RBFOX1: variants seen among roughly 807,000 people sequenced by gnomAD.
RBFOX1 encodes RNA binding fox-1 homolog 1, also known as RNA binding protein fox-1 homolog 1.
RBFOX1 carries 8 observed loss-of-function variants against 57.7 expected under a neutral mutation model. The observed-to-expected ratio is 0.14, with a 90% CI of 0.08 to 0.25. The LOEUF (loss-of-function observed/expected upper bound fraction) is 0.25. RBFOX1 is among the 10% of genes least tolerant of loss of function. The probability of loss-of-function intolerance (pLI) is 1.00; values close to 1 mark genes in which losing one functional copy is unlikely to be tolerated. For missense variants in RBFOX1, 611 were observed against 548.5 expected (o/e 1.11, Z -1.14); for synonymous variants, 326 against 222.4 (o/e 1.47, Z -4.15).
chr16:6,054,196 A>G (rs1386679521), intron 1 of RBFOX1, among the ~76,000 whole-genome samples: 3 of 152,192 alleles, frequency 2.0e-5, no homozygotes, highest in Non-Finnish European at 2.9e-5. Flanking sequence ...TTTGTTTCAT[A>G]TTTTATTTCA....
At position 7,085,615 on chromosome 16, in the gene RBFOX1, G is replaced by C. The variant is rs940900191; in HGVS notation, c.27+33517G>C. On this transcript the variant is annotated intron_variant, in intron 4 of 15. Coordinates refer to ENST00000550418, the MANE Select transcript of RBFOX1 (RefSeq NM_018723.4). The stretch of plus-strand genomic sequence containing the variant: ...TGCCTGCAAAATTTTAAAGAGTAGG[G>C]TGCTTAGTTATTTTTCCCTAAGTTT... Among the ~76,000 whole-genome samples the C allele has an allele frequency of 2.6e-5, 4 of 152,172 alleles. No homozygotes were observed. In the South Asian group the frequency reaches 6.2e-4, roughly 24 times the overall value.
chr16:6,645,225 C>T (rs2098524167), intron 2 of RBFOX1, among the ~76,000 whole-genome samples: 1 of 152,170 alleles, frequency 6.6e-6, no homozygotes, highest in Non-Finnish European at 1.5e-5. Context: ...AGAATTTTCT[C>T]ATTTCAAGAC....
intron 3 of RBFOX1, among the ~76,000 whole-genome samples, chr16:5,829,853 A>G (rs2151824188): frequency 6.6e-6 from 1 of 152,320 alleles, no homozygotes; most frequent in South Asian, 2.1e-4. Context: ...AGTCATTCAG[A>G]AGGGAAACAA....
chr16:6,604,387 A>G (rs1362906366), intron 2 of RBFOX1, among the ~76,000 whole-genome samples: 2 of 152,112 alleles, frequency 1.3e-5, no homozygotes, highest in African/African-American at 4.8e-5. Context: ...TTGTTGCCCA[A>G]GCAGGACTTA....
At chr16:5,911,167 C>T (rs1039683533) in intron 4 of RBFOX1, among the ~76,000 whole-genome samples, 3 of 152,180 alleles carry the variant, frequency 2.0e-5, no homozygotes, top group Non-Finnish European at 4.4e-5. Flanking sequence ...ATAGGTCCTA[C>T]CTGCAGACAA....
At chr16:6,588,965 A>G (rs1667880215) in intron 2 of RBFOX1, among the ~76,000 whole-genome samples, 1 of 152,202 alleles carries the variant, frequency 6.6e-6, no homozygotes, top group African/African-American at 2.4e-5. Context: ...GAAATAACCT[A>G]TGCATCTGTA....
chr16:5,572,573 C>T (rs1363635155), intron 2 of RBFOX1, among the ~76,000 whole-genome samples: 1 of 152,100 alleles, frequency 6.6e-6, no homozygotes, highest in Non-Finnish European at 1.5e-5. Flanking sequence ...CCAAATGGTC[C>T]CTGGTAGTCA....
chr16:6,928,105 G>C (rs1263143616), intron 3 of RBFOX1, among the ~76,000 whole-genome samples: 2 of 152,104 alleles, frequency 1.3e-5, no homozygotes, highest in African/African-American at 4.8e-5. Flanking sequence ...GTTCCCTTCA[G>C]TCCCTTCGGC....
At chr16:7,062,446 G>T (rs2054662160) in intron 4 of RBFOX1, among the ~76,000 whole-genome samples, 1 of 152,172 alleles carries the variant, frequency 6.6e-6, no homozygotes, top group Non-Finnish European at 1.5e-5. Context: ...TGAATCATGG[G>T]TACAGCAAGC....
chr16:7,518,276 A>G lies in RBFOX1; in HGVS notation c.157A>G (p.Thr53Ala). 6.2e-7 allele frequency: 1 copy of G among 1,614,112 alleles called. No homozygotes were observed. The highest frequency in any genetic ancestry group is 8.5e-7 in the Non-Finnish European group (1 of 1,180,014). Residue 53 changes from threonine to alanine, a missense_variant, in exon 5 of 16, where the codon ACA (threonine) becomes GCA (alanine). Thr to Ala is a moderately conservative substitution (Grantham distance 58). This residue lies in a region of RBFOX1 where 245 missense variants were observed against 159.1 expected (regional missense o/e 1.54). Coordinates refer to ENST00000550418, the MANE Select transcript of RBFOX1 (RefSeq NM_018723.4). The part of the protein sequence containing the change: ...APHPHPAPEY[T>A]GQTTVPEHTL... The stretch of plus-strand genomic sequence containing the variant: ...TCATCCCCACCCCGCGCCAGAGTAC[A>G]CAGGCCAGACCACGGTTCCCGAGCA...
In RBFOX1 at chr16:7,267,364, G is replaced by A. The variant is rs145556134; in HGVS notation, c.27+215266G>A. Among the ~76,000 whole-genome samples, 635 of 144,086 alleles carry A rather than the reference G, an allele frequency of 4.4e-3. 7 individuals are homozygous for A. The highest frequency in any genetic ancestry group is 0.015 in the African/African-American group (594 of 38,850). The allele number at this position is 144,086 out of a possible 152,430, so 94.5% of individuals were successfully genotyped here. ...AGCCTGGGCAACATGGCAAAACCCC[G>A]TCTCTACTAAAAATATAAAAAATTA... On this transcript the variant is annotated intron_variant, in intron 4 of 15. Coordinates refer to ENST00000550418, the MANE Select transcript of RBFOX1 (RefSeq NM_018723.4).
intron 2 of RBFOX1, among the ~76,000 whole-genome samples, chr16:5,537,414 A>T (rs1298150253): frequency 2.0e-5 from 3 of 152,208 alleles, no homozygotes; most frequent in African/African-American, 7.2e-5. Flanking sequence ...TTATGCCAAC[A>T]AAAAATTTAT....
At chr16:7,593,610 T>C (rs1310462756) in intron 7 of RBFOX1, among the ~76,000 whole-genome samples, 1 of 152,182 alleles carries the variant, frequency 6.6e-6, no homozygotes, top group African/African-American at 2.4e-5. Flanking sequence ...TTTTTCTCGA[T>C]ACAGTTCACC....
chr16:7,278,363 A>T (rs548068879), intron 4 of RBFOX1, among the ~76,000 whole-genome samples: 32 of 152,312 alleles, frequency 2.1e-4, no homozygotes, highest in African/African-American at 7.7e-4. Context: ...TTTACCCAAG[A>T]TCAAAATATC....
chr16:6,678,234 C>G (rs962886073), intron 3 of RBFOX1, among the ~76,000 whole-genome samples: 11 of 152,146 alleles, frequency 7.2e-5, no homozygotes, highest in African/African-American at 2.7e-4. Flanking sequence ...AAGCATTTAT[C>G]CAACTTCATC....
intron 2 of RBFOX1, among the ~76,000 whole-genome samples, chr16:6,327,021 C>A (rs766190486): frequency 9.2e-5 from 14 of 152,264 alleles, no homozygotes; most frequent in African/African-American, 3.4e-4. Flanking sequence ...ACTTATCACA[C>A]AGACAGCTCT....
intron 4 of RBFOX1, among the ~76,000 whole-genome samples, chr16:7,364,112 A>G (rs964564645): frequency 6.6e-6 from 1 of 152,192 alleles, no homozygotes; most frequent in Non-Finnish European, 1.5e-5. Flanking sequence ...AAAGATTAGG[A>G]ATCCATCTCT....
At chr16:6,554,805 T>TA (rs2153888596) in intron 2 of RBFOX1, among the ~76,000 whole-genome samples, 1 of 147,504 alleles carries the variant, frequency 6.8e-6, no homozygotes, top group African/African-American at 2.6e-5. Context: ...CACACACAGA[T>TA]AAACACACAG....
At chr16:7,519,945 G>C (rs1451325957) in intron 5 of RBFOX1, among the ~76,000 whole-genome samples, 1 of 152,092 alleles carries the variant, frequency 6.6e-6, no homozygotes, top group Non-Finnish European at 1.5e-5. Context: ...GAGTGCGGTG[G>C]CGCGATCTCG....
Sources: gnomAD v4.1 joint callset for allele counts (sites outside exome capture counted in the v4.1 genomes callset) on GRCh38, gnomAD v4.1.1 for gene constraint, gnomAD v4.1.1 regional missense constraint, MANE v1.5 for transcripts, NCBI Gene and HGNC (gene_info 2026-07-23, HGNC 2026-07-21) for gene names.